CNTNAP5: variants seen among roughly 807,000 people sequenced by gnomAD.
CNTNAP5 encodes contactin associated protein family member 5.
Under a neutral mutation model 150.2 loss-of-function variants are expected in CNTNAP5, and 72 were observed. The ratio of observed to expected loss-of-function variants is 0.48; its 90% confidence interval spans 0.40 to 0.58. CNTNAP5 has a LOEUF of 0.58. Ranked by LOEUF, CNTNAP5 falls within the 20% of genes least tolerant of loss-of-function variation. The probability of loss-of-function intolerance (pLI) is 0.00; values close to 1 mark genes in which losing one functional copy is unlikely to be tolerated. For synonymous variants in CNTNAP5, 672 were observed against 619.8 expected (o/e 1.08, Z -1.25); for missense variants, 1,636 against 1,626.2 (o/e 1.01, Z -0.10).
intron 4 of CNTNAP5, among the ~76,000 whole-genome samples, chr2:124,423,666 T>C (rs904056880): frequency 1.8e-5 from 2 of 111,382 alleles, no homozygotes; most frequent in African/African-American, 3.5e-5. Flanking sequence ...TTTTTTTTTT[T>C]TTTTTTTTTT....
chr2:124,527,188 C>G, intron 9 of CNTNAP5, 97 bp from the exon 10 acceptor site: 1 of 1,015,516 alleles, frequency 9.8e-7, no homozygotes, highest in South Asian at 1.6e-5. Context: ...GAGAAAGCAC[C>G]AAACTAATTA....
chr2:124,685,965 C>T (rs929227581), intron 13 of CNTNAP5, among the ~76,000 whole-genome samples: 1 of 151,980 alleles, frequency 6.6e-6, no homozygotes, highest in African/African-American at 2.4e-5. Context: ...GTCATCTTCA[C>T]AATTTTATTA....
At chr2:124,227,044 T>C (rs1479639445) in intron 2 of CNTNAP5, among the ~76,000 whole-genome samples, 5 of 152,138 alleles carry the variant, frequency 3.3e-5, no homozygotes, top group African/African-American at 1.2e-4. Context: ...TACTGCCACA[T>C]TGGGGATTAA....
intron 2 of CNTNAP5, among the ~76,000 whole-genome samples, chr2:124,235,455 T>C (rs1686725119): frequency 6.6e-6 from 1 of 151,986 alleles, no homozygotes; most frequent in Non-Finnish European, 1.5e-5. Context: ...GCCACCCTGC[T>C]CTTCAGAAGC....
chr2:124,682,183 C>G (rs1679083652), intron 13 of CNTNAP5, among the ~76,000 whole-genome samples: 1 of 152,146 alleles, frequency 6.6e-6, no homozygotes, highest in African/African-American at 2.4e-5. Context: ...TGAAGATTCC[C>G]AGGAGCATGT....
Position 124,772,884 on chromosome 2 carries a change from C to A in CNTNAP5, c.2619C>A (p.Asn873Lys). 1 of 1,613,634 alleles carries A rather than the reference C, an allele frequency of 6.2e-7. No homozygotes were observed. Among genetic ancestry groups the A allele is most frequent in the East Asian group, 2.2e-5 (1 of 44,822 alleles). The stretch of plus-strand genomic sequence containing the variant: ...AGTCTCCTTCTCTTCTGAATGACAA[C>A]CAATGGCACTATGTCCGGGCTGAGA... ...VVQSPSLLND[N>K]QWHYVRAERN... The change falls in exon 17 of 24, where the codon AAC becomes AAA. Residue 873 changes from asparagine (N) to lysine (K), a missense_variant. Coordinates refer to ENST00000682447, the MANE Select transcript of CNTNAP5 (RefSeq NM_001367498.1).
At chr2:124,250,667 G>T (rs967074860) in intron 3 of CNTNAP5, among the ~76,000 whole-genome samples, 32 of 152,046 alleles carry the variant, frequency 2.1e-4, no homozygotes, top group Non-Finnish European at 8.8e-5. Flanking sequence ...GGAGGAGCCT[G>T]GGGGAGTTAC....
At chr2:124,705,548 T>C (rs920538798) in intron 13 of CNTNAP5, among the ~76,000 whole-genome samples, 19 of 151,764 alleles carry the variant, frequency 1.3e-4, no homozygotes, top group Non-Finnish European at 2.6e-4. Context: ...AAATAATAAA[T>C]AAATAAACAA....
intron 19 of CNTNAP5, among the ~76,000 whole-genome samples, chr2:124,826,697 C>A (rs951049207): frequency 6.6e-6 from 1 of 152,116 alleles, no homozygotes; most frequent in Non-Finnish European, 1.5e-5. Flanking sequence ...TAGGGCCCAC[C>A]TTTCAGTATT....
At chr2:124,362,531 C>T (rs1220099407) in intron 3 of CNTNAP5, among the ~76,000 whole-genome samples, 1 of 152,262 alleles carries the variant, frequency 6.6e-6, no homozygotes. Context: ...TTTTAAATCA[C>T]TGTTTACCTC....
chr2:124,166,250 T>C (rs1684808645), intron 1 of CNTNAP5, among the ~76,000 whole-genome samples: 1 of 152,188 alleles, frequency 6.6e-6, no homozygotes, highest in Non-Finnish European at 1.5e-5. Flanking sequence ...TGACACGGAC[T>C]GTTGTTTTGT....
intron 3 of CNTNAP5, among the ~76,000 whole-genome samples, chr2:124,263,133 A>G (rs1023646786): frequency 2.0e-5 from 3 of 152,182 alleles, no homozygotes; most frequent in Admixed American, 2.0e-4. Context: ...CCTTTATAAC[A>G]GCATGATTTA....
chr2:124,066,484 A>C (rs995281869), intron 1 of CNTNAP5, among the ~76,000 whole-genome samples: 4 of 152,106 alleles, frequency 2.6e-5, no homozygotes, highest in Non-Finnish European at 4.4e-5. Flanking sequence ...TAAATATGGC[A>C]TACATTCTTC....
intron 3 of CNTNAP5, among the ~76,000 whole-genome samples, chr2:124,290,714 T>A (rs994658303): frequency 1.3e-5 from 2 of 152,152 alleles, no homozygotes; most frequent in African/African-American, 4.8e-5. Flanking sequence ...GTAGGCATTT[T>A]GTGATGCTGT....
intron 3 of CNTNAP5, among the ~76,000 whole-genome samples, chr2:124,408,609 C>A (rs1313750504): frequency 6.6e-6 from 1 of 151,866 alleles, no homozygotes; most frequent in Admixed American, 6.6e-5. Context: ...GGGAGGCACC[C>A]CCCAGCAGGG....
chr2:124,352,319 C>G (rs377096247), intron 3 of CNTNAP5, among the ~76,000 whole-genome samples: 105 of 152,242 alleles, frequency 6.9e-4, no homozygotes, highest in East Asian at 1.5e-3. Context: ...TTCCACCTTA[C>G]CTGTCGGAAG....
chr2:124,891,163 G>A (rs1678186454), intron 21 of CNTNAP5, among the ~76,000 whole-genome samples: 1 of 152,058 alleles, frequency 6.6e-6, no homozygotes. Context: ...AGTCTCAGTT[G>A]CTAGGTGATA....
chr2:124,128,878 A>G (rs1008310658), intron 1 of CNTNAP5, among the ~76,000 whole-genome samples: 3 of 152,122 alleles, frequency 2.0e-5, no homozygotes, highest in African/African-American at 7.2e-5. Flanking sequence ...ACTTGAACAC[A>G]GGGTGGGGAA....
At chr2:124,542,780 C>T (rs1695417435) in intron 10 of CNTNAP5, among the ~76,000 whole-genome samples, 1 of 152,128 alleles carries the variant, frequency 6.6e-6, no homozygotes, top group South Asian at 2.1e-4. Context: ...TCTACTGATG[C>T]ATTCAGCTGA....
Sources: allele counts gnomAD v4.1 joint callset (sites outside exome capture counted in the v4.1 genomes callset), GRCh38; gene constraint gnomAD v4.1.1; transcripts MANE v1.5; gene names NCBI Gene and HGNC (gene_info 2026-07-23, HGNC 2026-07-21).